The following BTNL8 variants were observed in gnomAD, a reference collection of about 807,000 sequenced individuals.
BTNL8 encodes butyrophilin-like protein 8.
BTNL8 carries 22 observed loss-of-function variants against 36.1 expected under a neutral mutation model. The observed-to-expected ratio is 0.61, with a 90% CI of 0.44 to 0.87. The LOEUF is 0.87. BTNL8 is among the 40% of genes least tolerant of loss of function. BTNL8 has a pLI of 0.00. For synonymous variants in BTNL8, 203 were observed against 235.6 expected (o/e 0.86, Z 1.27); for missense variants, 526 against 616.9 (o/e 0.85, Z 1.56).
intron 3 of BTNL8, among the ~76,000 whole-genome samples, chr5:180,912,087 T>C (rs1582019636): frequency 6.6e-6 from 1 of 152,158 alleles, no homozygotes; most frequent in Admixed American, 6.5e-5. Flanking sequence ...TGATCTTGCA[T>C]AGTAGCCTTT....
intron 3 of BTNL8, among the ~76,000 whole-genome samples, chr5:180,923,131 C>A (rs62406717): frequency 0.45 from 68,241 of 152,016 alleles, 16,405 homozygotes; most frequent in African/African-American, 0.63. Flanking sequence ...GGTCTTGTTT[C>A]TTTATCCAGC....
At chr5:180,905,195 A>G (rs1166096833) in intron 1 of BTNL8, among the ~76,000 whole-genome samples, 1 of 151,122 alleles carries the variant, frequency 6.6e-6, no homozygotes, top group Non-Finnish European at 1.5e-5. Context: ...TTATTGCCAC[A>G]ATTTCAGCTC....
At chr5:180,914,958 A>G (rs1451214132) in intron 3 of BTNL8, among the ~76,000 whole-genome samples, 1 of 152,214 alleles carries the variant, frequency 6.6e-6, no homozygotes, top group Non-Finnish European at 1.5e-5. Context: ...GGAAAGTGAG[A>G]GCAAAGTGAA....
In BTNL8 at chr5:180,941,914, T is replaced by TTTTTTTTTTTTTTTTTTTTTTTTTGAG. The variant is rs1281454934; in HGVS notation, c.674-5598_674-5597insTTTTTTTTTTTTTTTTTTTTTTTTGAG. On this transcript the variant is annotated intron_variant, in intron 3 of 7. Transcript: ENST00000340184. ...CAAGGATGCCCACTTTTACTACTCT[T>TTTTTTTTTTTTTTTTTTTTTTTTTGAG]ATTCAACAAAGTACTGGAAGTCCTA... Among the ~76,000 whole-genome samples, 425 of 150,754 alleles carry TTTTTTTTTTTTTTTTTTTTTTTTTGAG rather than the reference T, an allele frequency of 2.8e-3. 3 individuals carry two copies. Among genetic ancestry groups the TTTTTTTTTTTTTTTTTTTTTTTTTGAG allele is most frequent in the Non-Finnish European group, 3.6e-3 (245 of 67,712 alleles).
intron 3 of BTNL8, among the ~76,000 whole-genome samples, chr5:180,912,672 TA>T (rs1329339018): frequency 6.6e-6 from 1 of 152,118 alleles, no homozygotes; most frequent in Non-Finnish European, 1.5e-5. Context: ...GAGGCCAGCC[TA>T]CACAACATAG....
intron 3 of BTNL8, among the ~76,000 whole-genome samples, chr5:180,919,731 G>A (rs576274613): frequency 6.6e-6 from 1 of 152,088 alleles, no homozygotes; most frequent in African/African-American, 2.4e-5. Flanking sequence ...TATAAAATTA[G>A]TAGTGTTTCT....
intron 3 of BTNL8, among the ~76,000 whole-genome samples, chr5:180,924,823 C>G (rs1318565049): frequency 2.0e-5 from 3 of 152,070 alleles, no homozygotes; most frequent in African/African-American, 7.2e-5. Flanking sequence ...CTGAAATATG[C>G]AAGTCTATGA....
intron 3 of BTNL8, among the ~76,000 whole-genome samples, chr5:180,930,845 A>G (rs1290284366): frequency 1.3e-5 from 2 of 152,192 alleles, no homozygotes. Context: ...TTCCATGCTC[A>G]TCGATAGAAA....
chr5:180,899,848 C>T (rs1756745736), intron 1 of BTNL8, among the ~76,000 whole-genome samples: 2 of 152,216 alleles, frequency 1.3e-5, no homozygotes, highest in Middle Eastern at 3.2e-3. Context: ...GGAAGAAATC[C>T]ACTCTTCTTT....
intron 3 of BTNL8, among the ~76,000 whole-genome samples, chr5:180,912,264 T>C (rs1163560800): frequency 6.6e-6 from 1 of 152,130 alleles, no homozygotes; most frequent in Non-Finnish European, 1.5e-5. Context: ...AAATGAACCA[T>C]TGGCTCTCCT....
At chr5:180,941,119 A>AGGAAGGAG (rs1159235227) in intron 3 of BTNL8, among the ~76,000 whole-genome samples, 4 of 85,964 alleles carry the variant, frequency 4.7e-5, no homozygotes, top group Non-Finnish European at 1.2e-4. Flanking sequence ...GGAGGAAGGA[A>AGGAAGGAG]GGAAGGAAGG....
chr5:180,911,350 G>C lies in BTNL8; in HGVS notation c.409G>C (p.Val137Leu), dbSNP rs756340453. The C allele has an allele frequency of 1.7e-5, 27 of 1,614,166 alleles. No homozygotes were observed. Among genetic ancestry groups the C allele is most frequent in the Non-Finnish European group, 2.2e-5 (26 of 1,180,030 alleles). The change falls in exon 3 of 8, where the codon GTT (valine) becomes CTT (leucine). Residue 137 changes from valine to leucine, a missense_variant. By Grantham distance (32) the Val-to-Leu change is conservative (BLOSUM62 1). Around this residue, in one of 2 missense-constraint regions of BTNL8, gnomAD observed 350 missense variants for 324.6 expected, o/e 1.08. Transcript: ENST00000340184. Reference sequence around the variant, plus strand: ...TGTTTTCTCCCCAGCACTGGGCTCAGTTCCTCTCATTTCCATCACGGGATA... The same window carrying C: ...TGTTTTCTCCCCAGCACTGGGCTCACTTCCTCTCATTTCCATCACGGGATA... ...WELQVSALGS[V>L]PLISITGYVD...
chr5:180,915,209 A>G (rs1757571826), intron 3 of BTNL8, among the ~76,000 whole-genome samples: 1 of 152,200 alleles, frequency 6.6e-6, no homozygotes, highest in Non-Finnish European at 1.5e-5. Context: ...CAACCAGCTG[A>G]TATGTGCCCC....
intron 3 of BTNL8, among the ~76,000 whole-genome samples, chr5:180,942,335 A>T (rs2113857205): frequency 6.6e-6 from 1 of 152,340 alleles, no homozygotes; most frequent in South Asian, 2.1e-4. Flanking sequence ...CTGATGTAAG[A>T]GAATTAAGAT....
intron 3 of BTNL8, among the ~76,000 whole-genome samples, chr5:180,927,130 G>T (rs1035691987): frequency 6.6e-6 from 1 of 152,170 alleles, no homozygotes; most frequent in African/African-American, 2.4e-5. Context: ...GGAAGGAGCA[G>T]GCAGCAATCT....
At chr5:180,937,942 T>TAA (rs35660075) in intron 3 of BTNL8, among the ~76,000 whole-genome samples, 121 of 148,044 alleles carry the variant, frequency 8.2e-4, no homozygotes, top group African/African-American at 1.9e-3. Context: ...TTTCCCCATT[T>TAA]AAAAAAAAAA....
intron 3 of BTNL8, among the ~76,000 whole-genome samples, chr5:180,932,686 C>A (rs1309143819): frequency 6.6e-6 from 1 of 152,072 alleles, no homozygotes; most frequent in African/African-American, 2.4e-5. Context: ...ACAGCAATTG[C>A]ACAAACAATA....
intron 3 of BTNL8, among the ~76,000 whole-genome samples, chr5:180,939,268 T>G (rs540968261): frequency 3.3e-5 from 5 of 152,128 alleles, no homozygotes; most frequent in Non-Finnish European, 7.4e-5. Flanking sequence ...AATGAATGAA[T>G]GAATAAATGA....
chr5:180,934,501 G>A (rs903294540), intron 3 of BTNL8, among the ~76,000 whole-genome samples: 1 of 152,242 alleles, frequency 6.6e-6, no homozygotes, highest in East Asian at 1.9e-4. Flanking sequence ...GAGCAGTGAG[G>A]AGTGCATGAG....
Sources: allele counts gnomAD v4.1 joint callset (sites outside exome capture counted in the v4.1 genomes callset), GRCh38; gene constraint gnomAD v4.1.1; regional missense constraint gnomAD v4.1.1; transcripts MANE v1.5; gene names NCBI Gene and HGNC (gene_info 2026-07-23, HGNC 2026-07-21).